SAMMSON: variants seen among roughly 807,000 people sequenced by gnomAD.
SAMMSON encodes survival associated mitochondrial melanoma specific oncogenic non-coding RNA, also known as long intergenic non-protein coding RNA 1212.
chr3:70,419,631 T>C (rs1048436160), intron 2 of SAMMSON, among the ~76,000 whole-genome samples: 1 of 152,054 alleles, frequency 6.6e-6, no homozygotes, highest in Non-Finnish European at 1.5e-5. Context: ...ACAATTATGC[T>C]ATCTGAAAAT....
rs375969704 is a variant in SAMMSON at position 70,429,164 on chromosome 3, A to C, written n.234-33396A>C. ...TGTATAAGGTATAAGAAAGGGGTCCAGTTTCAGTTTTCTGCATATGGCTAG... is the reference window on the plus strand; with the variant it reads ...TGTATAAGGTATAAGAAAGGGGTCCCGTTTCAGTTTTCTGCATATGGCTAG... On this transcript the variant is annotated intron_variant and non_coding_transcript_variant, in intron 2 of 3. Transcript: ENST00000641053. Among the ~76,000 whole-genome samples, 10 of 152,270 alleles carry C rather than the reference A, an allele frequency of 6.6e-5. No individual in the cohort carries two copies. The South Asian group carries it at 2.1e-3, about 32-fold the overall frequency.
intron 7 of SAMMSON, among the ~76,000 whole-genome samples, chr3:70,332,323 G>T (rs1702626852): frequency 6.6e-6 from 1 of 152,128 alleles, no homozygotes; most frequent in Admixed American, 6.5e-5. Context: ...GATGTTGAAA[G>T]GACTTCCCCG....
chr3:70,213,794 C>T (rs932326401), intron 4 of SAMMSON, among the ~76,000 whole-genome samples: 3 of 152,030 alleles, frequency 2.0e-5, no homozygotes, highest in Non-Finnish European at 2.9e-5. Context: ...CATGATCAAA[C>T]GTGGTGAAAA....
At chr3:70,193,489 G>C (rs1263948124) in intron 4 of SAMMSON, among the ~76,000 whole-genome samples, 1 of 152,004 alleles carries the variant, frequency 6.6e-6, no homozygotes, top group African/African-American at 2.4e-5. Context: ...TGTAGAGACA[G>C]GGGTCTCACT....
At chr3:70,109,054 G>A (rs2106659574) in intron 4 of SAMMSON, among the ~76,000 whole-genome samples, 1 of 152,212 alleles carries the variant, frequency 6.6e-6, no homozygotes, top group Non-Finnish European at 1.5e-5. Flanking sequence ...GCGTGAACAA[G>A]AGTTTTGCAG....
intron 6 of SAMMSON, among the ~76,000 whole-genome samples, chr3:70,268,000 C>T (rs1395078945): frequency 5.9e-5 from 9 of 151,316 alleles, no homozygotes; most frequent in African/African-American, 1.7e-4. Flanking sequence ...TTCACCTCCC[C>T]TTTCTCCTCC....
intron 7 of SAMMSON, among the ~76,000 whole-genome samples, chr3:70,351,191 G>A (rs529366179): frequency 7.2e-5 from 11 of 152,182 alleles, no homozygotes; most frequent in African/African-American, 2.4e-4. Context: ...GCCAGGTGTA[G>A]TTCATGTTAA....
chr3:70,199,644 T>C (rs1701217156), intron 4 of SAMMSON, among the ~76,000 whole-genome samples: 1 of 152,196 alleles, frequency 6.6e-6, no homozygotes. Context: ...GGTAAAACTG[T>C]TTTGCATATG....
At chr3:70,156,107 C>A (rs1276713170) in intron 4 of SAMMSON, among the ~76,000 whole-genome samples, 1 of 151,884 alleles carries the variant, frequency 6.6e-6, no homozygotes, top group Non-Finnish European at 1.5e-5. Context: ...AACAGAAAGA[C>A]CCAAGTTTAA....
At chr3:70,253,245 G>A (rs1363367775) in intron 6 of SAMMSON, among the ~76,000 whole-genome samples, 2 of 152,178 alleles carry the variant, frequency 1.3e-5, no homozygotes, top group Non-Finnish European at 2.9e-5. Flanking sequence ...GTGAAGTCCT[G>A]AAAGAAGTAA....
intron 9 of SAMMSON, among the ~76,000 whole-genome samples, chr3:70,361,499 T>C (rs1575633589): frequency 6.6e-6 from 1 of 152,182 alleles, no homozygotes; most frequent in African/African-American, 2.4e-5. Context: ...GACAGCCTGC[T>C]CCCAGAGCAA....
chr3:70,115,304 C>A (rs1159950407), intron 4 of SAMMSON, among the ~76,000 whole-genome samples: 4 of 151,598 alleles, frequency 2.6e-5, no homozygotes, highest in Non-Finnish European at 5.9e-5. Context: ...GAATTTGAAC[C>A]CATGCCTCTT....
intron 9 of SAMMSON, among the ~76,000 whole-genome samples, chr3:70,371,016 T>G (rs1207799112): frequency 6.6e-6 from 1 of 152,126 alleles, no homozygotes; most frequent in African/African-American, 2.4e-5. Flanking sequence ...ATGATTCCAG[T>G]TTTATTTTTC....
At chr3:70,235,464 G>A (rs1249577250) in intron 4 of SAMMSON, among the ~76,000 whole-genome samples, 2 of 152,132 alleles carry the variant, frequency 1.3e-5, no homozygotes, top group Non-Finnish European at 2.9e-5. Flanking sequence ...TACATGCTAG[G>A]TGCTTAATAA....
At chr3:70,150,299 A>G (rs545518940) in intron 4 of SAMMSON, among the ~76,000 whole-genome samples, 1 of 152,214 alleles carries the variant, frequency 6.6e-6, no homozygotes, top group South Asian at 2.1e-4. Flanking sequence ...TCCTGGTTTC[A>G]ATAAAAGCTC....
chr3:70,433,721 C>T (rs1293609599), intron 2 of SAMMSON, among the ~76,000 whole-genome samples: 1 of 151,840 alleles, frequency 6.6e-6, no homozygotes, highest in African/African-American at 2.4e-5. Context: ...TAAAAAAAAT[C>T]AACAAACCCA....
chr3:70,031,253 C>T (rs1334719845), intron 3 of SAMMSON, among the ~76,000 whole-genome samples: 1 of 152,014 alleles, frequency 6.6e-6, no homozygotes, highest in East Asian at 1.9e-4. Flanking sequence ...ATAAATGAAC[C>T]TTAAAAACAT....
At chr3:70,348,060 G>A (rs1702765703) in intron 7 of SAMMSON, among the ~76,000 whole-genome samples, 1 of 152,008 alleles carries the variant, frequency 6.6e-6, no homozygotes, top group South Asian at 2.1e-4. Context: ...AAAAAGAAAA[G>A]AACAATGTTA....
rs56036659 is a variant in SAMMSON at position 70,042,533 on chromosome 3, G to A, written n.417+28861G>A. On this transcript the variant is annotated intron_variant and non_coding_transcript_variant, in intron 3 of 9. Transcript: ENST00000642114. Reference sequence around the variant, plus strand: ...ACTGATGTGAGAATACTATATGCTTGCTAGAGATTCTACAGATGACAACAC... The same window carrying A: ...ACTGATGTGAGAATACTATATGCTTACTAGAGATTCTACAGATGACAACAC... Among the ~76,000 whole-genome samples the A allele has an allele frequency of 4.0e-3, 603 of 152,100 alleles. 2 individuals carry two copies. Among genetic ancestry groups the A allele is most frequent in the Non-Finnish European group, 6.4e-3 (434 of 67,968 alleles).
Sources: allele counts gnomAD v4.1 joint callset (sites outside exome capture counted in the v4.1 genomes callset), GRCh38; gene constraint gnomAD v4.1.1; transcripts MANE v1.5; gene names NCBI Gene and HGNC (gene_info 2026-07-23, HGNC 2026-07-21).